The following UPRT variants were observed in gnomAD, a reference collection of about 807,000 sequenced individuals.
UPRT encodes uracil phosphoribosyltransferase homolog, also known as RP11-311P8.3.
In UPRT, 5 loss-of-function variants were observed where a neutral mutation model predicts 22.6. The observed-to-expected ratio is 0.22, with a 90% CI of 0.12 to 0.47. The LOEUF (loss-of-function observed/expected upper bound fraction) is 0.47. Ranked by LOEUF, UPRT falls within the 20% of genes least tolerant of loss-of-function variation. The probability of loss-of-function intolerance (pLI) is 0.99; values close to 1 mark genes in which losing one functional copy is unlikely to be tolerated. For synonymous variants in UPRT, 77 were observed against 87.7 expected (o/e 0.88, Z 0.68); for missense variants, 181 against 239.9 (o/e 0.75, Z 1.62).
At chrX:75,259,478 G>C (rs1260554298) in intron 4 of UPRT, among the ~76,000 whole-genome samples, 1 of 107,758 alleles carries the variant, frequency 9.3e-6, no homozygotes, top group Non-Finnish European at 1.9e-5. Context: ...AGTATCAACA[G>C]CTGAATCGAC....
intron 4 of UPRT, among the ~76,000 whole-genome samples, chrX:75,170,311 A>G (rs1001212821): frequency 3.6e-5 from 4 of 111,815 alleles, no homozygotes; most frequent in Non-Finnish European, 7.5e-5. Context: ...TGCTGGGATT[A>G]CAGGTGTGAG....
intron 4 of UPRT, among the ~76,000 whole-genome samples, chrX:75,184,505 G>A (rs1440852497): frequency 5.8e-4 from 62 of 106,051 alleles, no homozygotes; most frequent in Non-Finnish European, 1.0e-3. Flanking sequence ...TTGGCGATGC[G>A]GGCTCTTTTT....
chrX:75,241,440 T>C (rs2082488128), intron 4 of UPRT, among the ~76,000 whole-genome samples: 2 of 111,634 alleles, frequency 1.8e-5, no homozygotes, highest in Non-Finnish European at 3.8e-5. Flanking sequence ...TTGGCATGGA[T>C]GTGGTGAAAA....
At chrX:75,184,323 C>T (rs1210171807) in intron 4 of UPRT, among the ~76,000 whole-genome samples, 2 of 108,926 alleles carry the variant, frequency 1.8e-5, no homozygotes, top group Non-Finnish European at 3.8e-5. Context: ...TGTCAAAGAC[C>T]AGATAGTTGT....
At chrX:75,282,896 G>T (rs951413787) in intron 1 of UPRT, among the ~76,000 whole-genome samples, 3 of 111,623 alleles carry the variant, frequency 2.7e-5, no homozygotes, top group African/African-American at 6.5e-5. Context: ...CTGTTATTGT[G>T]TTGTTGTCTA....
chrX:75,228,788 A>G (rs2082429981), intron 4 of UPRT, among the ~76,000 whole-genome samples: 1 of 112,014 alleles, frequency 8.9e-6, no homozygotes, highest in African/African-American at 3.2e-5. Flanking sequence ...TTTCAAGTAA[A>G]CTAACTTCAA....
chrX:75,231,640 C>A (rs1039009479), intron 4 of UPRT, among the ~76,000 whole-genome samples: 1 of 111,672 alleles, frequency 9.0e-6, no homozygotes, highest in Non-Finnish European at 1.9e-5. Context: ...CACCTAGGAA[C>A]ACAGTCATCA....
At chrX:75,296,707 C>T (rs1357267924) in intron 3 of UPRT, among the ~76,000 whole-genome samples, 2 of 111,513 alleles carry the variant, frequency 1.8e-5, no homozygotes, top group African/African-American at 6.5e-5. Context: ...TTGCTGGCAG[C>T]TTATCTTCAT....
At chrX:75,258,666 A>G (rs2082557458) in intron 4 of UPRT, among the ~76,000 whole-genome samples, 2 of 111,773 alleles carry the variant, frequency 1.8e-5, no homozygotes, top group Non-Finnish European at 3.8e-5. Context: ...GGGACAGAGC[A>G]CCTCAGGGAA....
rs778718331 is a variant in UPRT at position 75,274,632 on chromosome X, C to T, written c.378C>T (p.Ile126=). The T allele has an allele frequency of 1.6e-5, 19 of 1,192,295 alleles. No individual in the cohort carries two copies. Among genetic ancestry groups the T allele is most frequent in the Non-Finnish European group, 5.6e-6 (5 of 885,210 alleles). The change falls in exon 1 of 7, where the codon ATC becomes ATT. Residue 126 remains isoleucine, a synonymous_variant. Transcript: ENST00000373383. ...AGATACGGGAGCTACAGACCATCAT[C>T]CGTGACAAGTAAGCCAAGAGCGGAA... ...NDQIRELQTI[I]RDKTASRGDF... is the part of the protein sequence containing the mutation.
chrX:75,183,607 C>T (rs1053753737), intron 4 of UPRT, among the ~76,000 whole-genome samples: 1 of 111,908 alleles, frequency 8.9e-6, no homozygotes, highest in African/African-American at 3.3e-5. Context: ...CACCGACTTC[C>T]AAAATGATTG....
chrX:75,226,407 C>T (rs762614787), intron 4 of UPRT, among the ~76,000 whole-genome samples: 11 of 111,760 alleles, frequency 9.8e-5, no homozygotes, highest in Non-Finnish European at 1.9e-5. Context: ...TCTAATCACA[C>T]GGAAAGTTAT....
intron 1 of UPRT, among the ~76,000 whole-genome samples, chrX:75,287,852 CA>C (rs2082688858): frequency 9.0e-6 from 1 of 110,825 alleles, no homozygotes; most frequent in African/African-American, 3.3e-5. Context: ...AATTGATACA[CA>C]AAAATTCATA....
intron 4 of UPRT, among the ~76,000 whole-genome samples, chrX:75,198,197 TG>T (rs1378160482): frequency 1.8e-5 from 2 of 112,665 alleles, no homozygotes; most frequent in Non-Finnish European, 3.8e-5. Context: ...TTAAACAATA[TG>T]GAGGCATCTC....
At chrX:75,171,633 G>A (rs926665369) in intron 4 of UPRT, among the ~76,000 whole-genome samples, 1 of 79,134 alleles carries the variant, frequency 1.3e-5, no homozygotes, top group Admixed American at 1.7e-4. Flanking sequence ...TGATTTTTGG[G>A]GGGTGTTAAA....
chrX:75,192,103 G>T (rs188245675), intron 4 of UPRT, among the ~76,000 whole-genome samples: 1 of 111,711 alleles, frequency 9.0e-6, no homozygotes, highest in Non-Finnish European at 1.9e-5. Flanking sequence ...TCTTGGAACC[G>T]CGTATAACCT....
At chrX:75,232,054 G>C (rs2082440127) in intron 4 of UPRT, among the ~76,000 whole-genome samples, 1 of 111,620 alleles carries the variant, frequency 9.0e-6, no homozygotes, top group Non-Finnish European at 1.9e-5. Flanking sequence ...GGGAGTGCCA[G>C]ACAGTGGGCG....
intron 4 of UPRT, among the ~76,000 whole-genome samples, chrX:75,180,316 T>G (rs2082264803): frequency 8.9e-6 from 1 of 112,071 alleles, no homozygotes; most frequent in Non-Finnish European, 1.9e-5. Flanking sequence ...TCCCACTGCT[T>G]CTTCTACTAC....
At chrX:75,188,919 C>T (rs2082305244) in intron 4 of UPRT, among the ~76,000 whole-genome samples, 2 of 111,885 alleles carry the variant, frequency 1.8e-5, no homozygotes, top group African/African-American at 6.5e-5. Flanking sequence ...TACTGTCTGG[C>T]ACTCCCTAGT....
Sources: allele counts gnomAD v4.1 joint callset (sites outside exome capture counted in the v4.1 genomes callset), GRCh38; gene constraint gnomAD v4.1.1; transcripts MANE v1.5; gene names NCBI Gene and HGNC (gene_info 2026-07-23, HGNC 2026-07-21).